ADGRL3: variants seen among roughly 807,000 people sequenced by gnomAD.
The protein encoded by ADGRL3 is adhesion G protein-coupled receptor L3.
In ADGRL3, 62 loss-of-function variants were observed where a neutral mutation model predicts 153.5. That is an observed-to-expected ratio of 0.40 (90% CI 0.33 to 0.50). The LOEUF (loss-of-function observed/expected upper bound fraction) is 0.50, where lower values mean the gene tolerates loss of function less well. ADGRL3 is among the 20% of genes least tolerant of loss of function. The pLI is 0.47. For synonymous variants in ADGRL3, 710 were observed against 672.5 expected, an observed-to-expected ratio of 1.06 and a Z score of -0.86; for missense variants, 1,641 against 1,859.4, an observed-to-expected ratio of 0.88 and a Z score of 2.16.
At chr4:61,975,696 C>T (rs1391982032) in intron 17 of ADGRL3, among the ~76,000 whole-genome samples, 1 of 151,998 alleles carries the variant, frequency 6.6e-6, no homozygotes, top group Non-Finnish European at 1.5e-5. Flanking sequence ...TCAGATGGCT[C>T]CAATCAAGTT....
At chr4:61,830,836 A>G (rs2097859985) in intron 9 of ADGRL3, among the ~76,000 whole-genome samples, 1 of 152,176 alleles carries the variant, frequency 6.6e-6, no homozygotes, top group African/African-American at 2.4e-5. Context: ...TCTGTGTCAT[A>G]ATATTATTGA....
intron 9 of ADGRL3, among the ~76,000 whole-genome samples, chr4:61,839,320 A>G (rs1236125801): frequency 1.3e-5 from 2 of 151,936 alleles, no homozygotes; most frequent in Non-Finnish European, 2.9e-5. Context: ...CCTCCTGAGT[A>G]GCTAGTCCCA....
At chr4:61,641,986 G>A (rs1334202024) in intron 5 of ADGRL3, among the ~76,000 whole-genome samples, 3 of 150,780 alleles carry the variant, frequency 2.0e-5, no homozygotes, top group Non-Finnish European at 4.4e-5. Flanking sequence ...ATTCTAGCTG[G>A]TGTGAGATGG....
At chr4:62,057,553 A>AT (rs1737711243) in intron 25 of ADGRL3, among the ~76,000 whole-genome samples, 2 of 152,152 alleles carry the variant, frequency 1.3e-5, no homozygotes, top group South Asian at 4.1e-4. Context: ...AACTTCTCCA[A>AT]TTTTTTCAAT....
chr4:61,419,795 G>A (rs1340816286), intron 2 of ADGRL3, among the ~76,000 whole-genome samples: 2 of 150,132 alleles, frequency 1.3e-5, no homozygotes, highest in Non-Finnish European at 2.9e-5. Flanking sequence ...AACATATTTA[G>A]ATTTTTTTTT....
intron 2 of ADGRL3, among the ~76,000 whole-genome samples, chr4:61,485,042 T>G (rs574584481): frequency 2.0e-5 from 3 of 152,338 alleles, no homozygotes; most frequent in Non-Finnish European, 4.4e-5. Flanking sequence ...TATTGCATCA[T>G]CTAGCACAAC....
chr4:62,013,949 T>C (rs28539659), intron 21 of ADGRL3, among the ~76,000 whole-genome samples: 3,638 of 152,150 alleles, frequency 0.024, 148 homozygotes, highest in African/African-American at 0.084. Flanking sequence ...ATTCAGCTAC[T>C]TCAATATGTG....
intron 4 of ADGRL3, among the ~76,000 whole-genome samples, chr4:61,552,540 T>G (rs2098744977): frequency 6.6e-6 from 1 of 152,174 alleles, no homozygotes; most frequent in Non-Finnish European, 1.5e-5. Flanking sequence ...GACGGCTCAC[T>G]GCAGCCTCAA....
intron 17 of ADGRL3, among the ~76,000 whole-genome samples, chr4:61,966,969 A>G (rs2150575855): frequency 6.6e-6 from 1 of 152,276 alleles, no homozygotes; most frequent in East Asian, 1.9e-4. Flanking sequence ...TGCAATATTT[A>G]GCTACCAGTT....
intron 23 of ADGRL3, 118 bp from the exon 24 acceptor site, chr4:62,037,613 A>G (rs1725792613): frequency 6.5e-6 from 7 of 1,075,136 alleles, no homozygotes; most frequent in Middle Eastern, 2.1e-4. Context: ...ACTTTCTTAC[A>G]TCTGTAGGGC....
At chr4:61,577,235 G>A (rs2098892224) in intron 4 of ADGRL3, among the ~76,000 whole-genome samples, 2 of 149,328 alleles carry the variant, frequency 1.3e-5, no homozygotes, top group African/African-American at 4.9e-5. Context: ...GGGGGATGAG[G>A]GAGGGAAGGG....
At chr4:61,559,943 C>T (rs989751271) in intron 4 of ADGRL3, among the ~76,000 whole-genome samples, 4 of 152,004 alleles carry the variant, frequency 2.6e-5, no homozygotes, top group African/African-American at 7.2e-5. Flanking sequence ...TGACTATTCC[C>T]TTTACATGAC....
intron 25 of ADGRL3, among the ~76,000 whole-genome samples, chr4:62,061,779 T>C (rs1293371560): frequency 6.6e-6 from 1 of 152,044 alleles, no homozygotes. Flanking sequence ...CAAGTTTTTA[T>C]GTGTATCAGT....
chr4:61,404,063 A>G (rs1294911693), intron 2 of ADGRL3, among the ~76,000 whole-genome samples: 1 of 152,044 alleles, frequency 6.6e-6, no homozygotes, highest in Non-Finnish European at 1.5e-5. Flanking sequence ...TCAGTCTATA[A>G]TATCTGTACT....
chr4:61,401,085 G>T (rs1452324597), intron 2 of ADGRL3, among the ~76,000 whole-genome samples: 2 of 149,716 alleles, frequency 1.3e-5, no homozygotes, highest in Non-Finnish European at 3.0e-5. Context: ...TTAAAAAAAA[G>T]ATTTTTTGAA....
At chr4:61,543,346 GAGA>G (rs924774159) in intron 4 of ADGRL3, among the ~76,000 whole-genome samples, 1 of 152,070 alleles carries the variant, frequency 6.6e-6, no homozygotes, top group African/African-American at 2.4e-5. Context: ...AGGGGAGAGT[GAGA>G]AGAAGAAGGG....
At chr4:61,540,128 A>G (rs1040561769) in intron 4 of ADGRL3, among the ~76,000 whole-genome samples, 5 of 152,184 alleles carry the variant, frequency 3.3e-5, no homozygotes, top group Non-Finnish European at 7.3e-5. Flanking sequence ...CCCCTTTTAC[A>G]AATAAAGAAA....
chr4:62,010,887 G>A (rs1180807167), intron 21 of ADGRL3, among the ~76,000 whole-genome samples: 1 of 151,880 alleles, frequency 6.6e-6, no homozygotes, highest in Non-Finnish European at 1.5e-5. Context: ...CTTTTAAAAG[G>A]TAATTGCTGT....
At chr4:61,587,522 C>T (rs2098951092) in intron 5 of ADGRL3, 82 bp downstream of exon 5, 2 of 1,033,050 alleles carry the variant, frequency 1.9e-6, no homozygotes, top group Non-Finnish European at 1.4e-6. Context: ...AGCATAAGAA[C>T]ATAAACAGTG....
Sources: gnomAD v4.1 joint callset for allele counts (sites outside exome capture counted in the v4.1 genomes callset) on GRCh38, gnomAD v4.1.1 for gene constraint, MANE v1.5 for transcripts, NCBI Gene and HGNC (gene_info 2026-07-23, HGNC 2026-07-21) for gene names.